Variants in ADGRL2 observed in about 807,000 individuals in gnomAD.
ADGRL2 encodes calcium-independent alpha-latrotoxin receptor 2.
A neutral mutation model predicts 157.4 loss-of-function variants in ADGRL2; 44 were observed. The observed-to-expected ratio is 0.28, with a 90% CI of 0.22 to 0.36. The LOEUF is 0.36. Ranked by LOEUF, ADGRL2 falls within the 10% of genes least tolerant of loss-of-function variation. The pLI is 1.00. For synonymous variants in ADGRL2, 585 were observed against 624.7 expected (o/e 0.94, Z 0.95); for missense variants, 1,510 against 1,768.9 (o/e 0.85, Z 2.63).
intron 3 of ADGRL2, among the ~76,000 whole-genome samples, chr1:81,663,566 C>T (rs988684455): frequency 6.6e-6 from 1 of 152,190 alleles, no homozygotes; most frequent in African/African-American, 2.4e-5. Context: ...TTCCTTGCCC[C>T]TTACAGTGGC....
chr1:81,449,915 T>G (rs2077674440), intron 2 of ADGRL2, among the ~76,000 whole-genome samples: 1 of 152,162 alleles, frequency 6.6e-6, no homozygotes, highest in South Asian at 2.1e-4. Context: ...AAGACCCAAA[T>G]GTTGGTCTTG....
chr1:81,486,798 A>AT (rs1340918001), intron 2 of ADGRL2, among the ~76,000 whole-genome samples: 3 of 152,236 alleles, frequency 2.0e-5, no homozygotes, highest in Admixed American at 6.5e-5. Flanking sequence ...CCAAATGATT[A>AT]TTTTCATTTT....
intron 14 of ADGRL2, 128 bp from the exon 15 acceptor site, chr1:81,969,050 G>T: frequency 1.5e-6 from 1 of 673,726 alleles, no homozygotes; most frequent in South Asian, 1.9e-5. Flanking sequence ...AGCCTTTTTT[G>T]AACACATATG....
At chr1:81,317,377 C>A (rs1454614441) in intron 1 of ADGRL2, among the ~76,000 whole-genome samples, 3 of 152,172 alleles carry the variant, frequency 2.0e-5, no homozygotes, top group Admixed American at 2.0e-4. Flanking sequence ...ACTCTCCAGG[C>A]ACTCATCACT....
intron 2 of ADGRL2, among the ~76,000 whole-genome samples, chr1:81,904,165 T>C (rs150756778): frequency 1.3e-5 from 2 of 152,236 alleles, no homozygotes; most frequent in African/African-American, 4.8e-5. Context: ...ATTGTAGGCA[T>C]TGAGATTATA....
chr1:81,965,814 G>A (rs1242173078), intron 11 of ADGRL2, among the ~76,000 whole-genome samples: 1 of 152,170 alleles, frequency 6.6e-6, no homozygotes, highest in African/African-American at 2.4e-5. Flanking sequence ...TGACAAAAGA[G>A]ATAAAAATAT....
At chr1:81,414,058 A>C (rs1409939675) in intron 1 of ADGRL2, 2 of 152,200 alleles carry the variant, frequency 1.3e-5, no homozygotes, top group Non-Finnish European at 1.5e-5. Flanking sequence ...GATGCTGAAA[A>C]ACGTGGGTTA....
Position 81,969,202 on chromosome 1 carries a change from C to T in ADGRL2, c.2548C>T (p.Leu850Phe). 6.2e-7 allele frequency: 1 copy of T among 1,613,638 alleles called. No individual in the cohort carries two copies. Among genetic ancestry groups the T allele is most frequent in the Non-Finnish European group, 8.5e-7 (1 of 1,179,626 alleles). ...GTATAAAGATGGCGTTCATGAATTA[C>T]TTCTTACAGTCATCACCTGGGTGGG... ...IAYKDGVHELLLTVITWVGIV... is the reference protein window; with the variant it reads ...IAYKDGVHELFLTVITWVGIV... Residue 850 changes from leucine (L) to phenylalanine (F), a missense_variant, in exon 15 of 24, where the codon CTT becomes TTT. Coordinates refer to ENST00000686636, the MANE Select transcript of ADGRL2 (RefSeq NM_001366006.2).
intron 2 of ADGRL2, among the ~76,000 whole-genome samples, chr1:81,469,981 C>T (rs12047662): frequency 0.01 from 1,554 of 152,280 alleles, 29 homozygotes; most frequent in East Asian, 0.066. Context: ...ATAAATGTTT[C>T]TGCACCAAAG....
chr1:81,806,132 T>A (rs2089111485), intron 1 of ADGRL2, among the ~76,000 whole-genome samples: 1 of 152,008 alleles, frequency 6.6e-6, no homozygotes, highest in African/African-American at 2.4e-5. Context: ...TATTGAATCA[T>A]GTGGGGTAGA....
intron 2 of ADGRL2, among the ~76,000 whole-genome samples, chr1:81,528,663 A>G (rs1217028389): frequency 6.1e-5 from 3 of 49,316 alleles, no homozygotes; most frequent in Admixed American, 1.8e-4. Flanking sequence ...AAAAAAAAAA[A>G]AAAAAAAAAA....
chr1:81,858,659 C>G (rs1201138471), intron 2 of ADGRL2, among the ~76,000 whole-genome samples: 1 of 152,014 alleles, frequency 6.6e-6, no homozygotes, highest in African/African-American at 2.4e-5. Flanking sequence ...CTTAAAGTAT[C>G]AGAATTGGGG....
At chr1:81,659,496 G>A (rs1484304394) in intron 3 of ADGRL2, among the ~76,000 whole-genome samples, 1 of 152,186 alleles carries the variant, frequency 6.6e-6, no homozygotes, top group Non-Finnish European at 1.5e-5. Context: ...CTTCTTTCCT[G>A]TCTGAGTTTC....
At chr1:81,556,816 A>G (rs573983476) in intron 2 of ADGRL2, among the ~76,000 whole-genome samples, 2 of 151,904 alleles carry the variant, frequency 1.3e-5, no homozygotes, top group South Asian at 2.1e-4. Context: ...GGTGGTTCAC[A>G]CCTGTAATCC....
At chr1:81,578,618 T>C (rs185794266) in intron 2 of ADGRL2, among the ~76,000 whole-genome samples, 75 of 152,268 alleles carry the variant, frequency 4.9e-4, no homozygotes, top group Admixed American at 1.4e-3. Context: ...AGCTACCAGA[T>C]TAAAAAGCAG....
intron 2 of ADGRL2, among the ~76,000 whole-genome samples, chr1:81,865,708 G>A (rs1172182561): frequency 1.3e-5 from 2 of 152,164 alleles, no homozygotes. Context: ...ACCCTAAAGG[G>A]AAGCAGAGGA....
At chr1:81,638,310 G>A (rs968746546) in intron 3 of ADGRL2, among the ~76,000 whole-genome samples, 6 of 152,138 alleles carry the variant, frequency 3.9e-5, no homozygotes, top group Non-Finnish European at 8.8e-5. Flanking sequence ...AATGAGAAAG[G>A]TCAGAAACTC....
intron 2 of ADGRL2, among the ~76,000 whole-genome samples, chr1:81,490,311 T>C (rs1483657739): frequency 6.6e-6 from 1 of 152,138 alleles, no homozygotes; most frequent in Admixed American, 6.6e-5. Flanking sequence ...TTTGTATTTT[T>C]AGTAGAGATG....
rs1257119908 is a variant in ADGRL2, at chr1:81,903,812, T to TATAC, written c.74-3204_74-3203insTACA. On this transcript the variant is annotated intron_variant, in intron 2 of 23. Coordinates refer to ENST00000686636, the MANE Select transcript of ADGRL2 (RefSeq NM_001366006.2). ...ATTATATATATATACACATTTTATA[T>TATAC]ACACACACACACACACACACACACA... 5.4e-3 allele frequency among the ~76,000 whole-genome samples: 648 copies of TATAC among 120,500 alleles called. 13 individuals carry two copies. Among genetic ancestry groups the TATAC allele is most frequent in the Middle Eastern group, 7.9e-3 (2 of 254 alleles). 79.1% of individuals were successfully genotyped at this position (120,500 alleles called of 152,430 possible).
Sources: allele counts gnomAD v4.1 joint callset (sites outside exome capture counted in the v4.1 genomes callset), GRCh38; gene constraint gnomAD v4.1.1; transcripts MANE v1.5; gene names NCBI Gene and HGNC (gene_info 2026-07-23, HGNC 2026-07-21).